Variants in FMNL2 observed in about 807,000 individuals in gnomAD.
The protein encoded by FMNL2 is formin-like protein 2.
FMNL2 carries 51 observed loss-of-function variants against 130.2 expected under a neutral mutation model. The observed-to-expected ratio is 0.39, with a 90% CI of 0.31 to 0.49. The LOEUF (loss-of-function observed/expected upper bound fraction) is 0.49, where lower values mean the gene tolerates loss of function less well. Among genes scored for constraint, FMNL2 ranks in the 20% least tolerant of loss-of-function variants. FMNL2 has a pLI of 0.85. For synonymous variants in FMNL2, 465 were observed against 467.1 expected (o/e 1.00, Z 0.06); for missense variants, 977 against 1,316.2 (o/e 0.74, Z 3.99).
chr2:152,452,693 C>G (rs1190041070), intron 1 of FMNL2, among the ~76,000 whole-genome samples: 1 of 148,636 alleles, frequency 6.7e-6, no homozygotes, highest in African/African-American at 2.4e-5. Context: ...GAGCAGTAAC[C>G]GAGCAACTCC....
rs147955153 is a variant in FMNL2 at position 152,572,607 on chromosome 2, A to G, written c.597-2529A>G. Among the ~76,000 whole-genome samples, 1,160 of 146,824 alleles carry G rather than the reference A, an allele frequency of 7.9e-3. 18 individuals are homozygous for G. The highest frequency in any genetic ancestry group is 0.027 in the African/African-American group (1,087 of 40,406). ...TCGATACCCACCTGGGCAACAGAGC[A>G]AGACCCTGTCTCTACAAAAAAAAAT... On this transcript the variant is annotated intron_variant, in intron 6 of 25. Coordinates refer to ENST00000288670, the MANE Select transcript of FMNL2 (RefSeq NM_052905.4).
At chr2:152,422,651 C>G (rs1452099489) in intron 1 of FMNL2, among the ~76,000 whole-genome samples, 2 of 152,112 alleles carry the variant, frequency 1.3e-5, no homozygotes, top group South Asian at 2.1e-4. Flanking sequence ...ATCTCAGCCT[C>G]CCCAGGAGCT....
At chr2:152,396,836 A>G (rs1404768869) in intron 1 of FMNL2, among the ~76,000 whole-genome samples, 1 of 152,178 alleles carries the variant, frequency 6.6e-6, no homozygotes, top group African/African-American at 2.4e-5. Flanking sequence ...AGCATTACCT[A>G]AATTCCATCA....
At chr2:152,633,203 C>T (rs1021335590) in intron 21 of FMNL2, among the ~76,000 whole-genome samples, 55 of 151,956 alleles carry the variant, frequency 3.6e-4, no homozygotes, top group African/African-American at 1.3e-3. Context: ...TGAAACGATC[C>T]TCCCACCTCA....
At chr2:152,389,057 G>T (rs35241013) in intron 1 of FMNL2, among the ~76,000 whole-genome samples, 75,218 of 151,716 alleles carry the variant, frequency 0.5, 20,518 homozygotes, top group South Asian at 0.67. Context: ...TCTAAATGCT[G>T]TTTTTCAATT....
intron 1 of FMNL2, among the ~76,000 whole-genome samples, chr2:152,337,344 T>C (rs1681531696): frequency 6.6e-6 from 1 of 151,964 alleles, no homozygotes; most frequent in Non-Finnish European, 1.5e-5. Context: ...TGGCTTTTTT[T>C]CCTCCTGGCT....
intron 1 of FMNL2, among the ~76,000 whole-genome samples, chr2:152,443,844 A>G (rs762611247): frequency 1.5e-4 from 23 of 151,980 alleles, no homozygotes; most frequent in Non-Finnish European, 3.1e-4. Context: ...GACTCCATCC[A>G]AAAAGAAAAA....
At position 152,619,615 on chromosome 2, in the gene FMNL2, A is replaced by G; in HGVS notation, c.1734A>G (p.Ala578=). 2.3e-6 allele frequency: 3 copies of G among 1,307,744 alleles called. No homozygotes were observed. Among genetic ancestry groups the G allele is most frequent in the Non-Finnish European group, 3.0e-6 (3 of 1,003,028 alleles). The allele number at this position is 1,307,744 out of a possible 1,614,324, so 81.0% of individuals were successfully genotyped here. The change falls in exon 15 of 26, where the codon GCA becomes GCG. Residue 578 remains alanine, a synonymous_variant. Coordinates refer to ENST00000288670, the MANE Select transcript of FMNL2 (RefSeq NM_052905.4). ...PPPPPPLPGP[A]AETVPAPPLA... ...CGCCTCCTCCTCTCCCAGGCCCTGC[A>G]GCTGAGACTGTACCAGCTCCTCCCT... is the stretch of plus-strand genomic sequence containing the variant.
At chr2:152,343,973 G>A (rs1681963884) in intron 1 of FMNL2, among the ~76,000 whole-genome samples, 2 of 152,030 alleles carry the variant, frequency 1.3e-5, no homozygotes, top group South Asian at 4.2e-4. Flanking sequence ...GAGCAACATA[G>A]GGAGACCTCA....
chr2:152,351,286 C>T (rs1682468637), intron 1 of FMNL2, among the ~76,000 whole-genome samples: 2 of 152,152 alleles, frequency 1.3e-5, no homozygotes, highest in Admixed American at 1.3e-4. Context: ...CTGTACCTAT[C>T]AACCTGTCAT....
chr2:152,606,661 G>A (rs1261025937), intron 9 of FMNL2, among the ~76,000 whole-genome samples: 1 of 50,224 alleles, frequency 2.0e-5, no homozygotes, highest in Non-Finnish European at 4.1e-5. Context: ...TTAGCTCCAT[G>A]TATTTTATTT....
chr2:152,497,478 A>G (rs1035268974), intron 1 of FMNL2, among the ~76,000 whole-genome samples: 2 of 152,158 alleles, frequency 1.3e-5, no homozygotes, highest in Admixed American at 1.3e-4. Context: ...GATGTCAAAT[A>G]TTGTCACAGT....
intron 1 of FMNL2, among the ~76,000 whole-genome samples, chr2:152,415,067 G>C (rs1686529235): frequency 6.6e-6 from 1 of 152,068 alleles, no homozygotes; most frequent in African/African-American, 2.4e-5. Flanking sequence ...GCTGTGCTGT[G>C]GGTCACTAAT....
At chr2:152,595,413 C>T (rs915200256) in intron 9 of FMNL2, among the ~76,000 whole-genome samples, 6 of 152,124 alleles carry the variant, frequency 3.9e-5, no homozygotes, top group South Asian at 4.1e-4. Context: ...CTCCACCTCC[C>T]GAGTTCAGGC....
intron 1 of FMNL2, among the ~76,000 whole-genome samples, chr2:152,444,229 A>G (rs1288532774): frequency 1.3e-5 from 2 of 152,134 alleles, no homozygotes; most frequent in East Asian, 3.8e-4. Context: ...GAGTGTTTAA[A>G]TGTAATAGGA....
chr2:152,634,580 T>G (rs922261049), intron 21 of FMNL2, among the ~76,000 whole-genome samples: 12 of 152,276 alleles, frequency 7.9e-5, no homozygotes, highest in Admixed American at 2.6e-4. Context: ...GAAAGCATTT[T>G]CCGCATCCTG....
chr2:152,528,865 G>T (rs189792650), intron 2 of FMNL2, among the ~76,000 whole-genome samples: 15 of 152,308 alleles, frequency 9.8e-5, no homozygotes, highest in African/African-American at 2.6e-4. Flanking sequence ...TCAACACACA[G>T]CTTCCCCTTC....
At position 152,589,837 on chromosome 2, in the gene FMNL2, T is replaced by C. The variant is rs141397174; in HGVS notation, c.876+8788T>C. Among the ~76,000 whole-genome samples, 385 of 151,064 alleles carry C rather than the reference T, an allele frequency of 2.5e-3. 6 individuals carry two copies. Among genetic ancestry groups the C allele is most frequent in the East Asian group, 0.013 (65 of 5,132 alleles). ...TGTAAAGGAGCTGCTTCCCTGCTCT[T>C]CTACTCCCTCACTCCTGGACCTCCT... is the stretch of plus-strand genomic sequence containing the variant. On this transcript the variant is annotated intron_variant, in intron 9 of 25. Transcript: ENST00000288670.
chr2:152,532,807 C>T (rs1175018173), intron 2 of FMNL2, among the ~76,000 whole-genome samples: 2 of 151,998 alleles, frequency 1.3e-5, no homozygotes, highest in Non-Finnish European at 2.9e-5. Context: ...AGGGTTTCAC[C>T]ACGTTGGCCA....
Sources: allele counts gnomAD v4.1 joint callset (sites outside exome capture counted in the v4.1 genomes callset), GRCh38; gene constraint gnomAD v4.1.1; transcripts MANE v1.5; gene names NCBI Gene and HGNC (gene_info 2026-07-23, HGNC 2026-07-21).